TAB2: variants seen among roughly 807,000 people sequenced by gnomAD.
TAB2 encodes TGF-beta activated kinase 1 (MAP3K7) binding protein 2.
Under a neutral mutation model 65.0 loss-of-function variants are expected in TAB2, and 3 were observed. The observed-to-expected ratio is 0.05, with a 90% CI of 0.02 to 0.12. The LOEUF (loss-of-function observed/expected upper bound fraction) is 0.12, where lower values mean the gene tolerates loss of function less well. Among genes scored for constraint, TAB2 ranks in the 10% least tolerant of loss-of-function variants. TAB2 has a pLI of 1.00. For missense variants in TAB2, 623 were observed against 840.3 expected (o/e 0.74, Z 3.20); for synonymous variants, 298 against 285.1 (o/e 1.05, Z -0.46).
intron 1 of TAB2, among the ~76,000 whole-genome samples, chr6:149,296,019 C>G (rs138260570): frequency 6.6e-6 from 1 of 152,208 alleles, no homozygotes; most frequent in African/African-American, 2.4e-5. Flanking sequence ...ATCTGCCCAC[C>G]TCGGCCTCCC....
intron 1 of TAB2, among the ~76,000 whole-genome samples, chr6:149,250,004 G>T (rs935408195): frequency 1.8e-4 from 27 of 152,172 alleles, no homozygotes; most frequent in Admixed American, 1.2e-3. Context: ...TGAAGGATGT[G>T]TAGGAGTTTC....
rs77002157 is a variant in TAB2 at position 149,364,633 on chromosome 6, A to G, written c.-89-5276A>G. On this transcript the variant is annotated intron_variant, in intron 1 of 6. Coordinates refer to ENST00000637181, the MANE Select transcript of TAB2 (RefSeq NM_001292034.3). ...ATCTCCAGCATGGTATCTCCTGCATACTAGGCACTCATTCAATGTGTGGTT... is the reference window on the plus strand; with the variant it reads ...ATCTCCAGCATGGTATCTCCTGCATGCTAGGCACTCATTCAATGTGTGGTT... 7.9e-4 allele frequency among the ~76,000 whole-genome samples: 119 copies of G among 151,302 alleles called. 3 individuals carry two copies. The East Asian group carries it at 0.021, about 27-fold the overall frequency.
In TAB2 at chr6:149,287,066, G is replaced by A. The variant is rs752612860; in HGVS notation, c.-121+68290G>A. Among the ~76,000 whole-genome samples the A allele has an allele frequency of 5.3e-5, 8 of 152,250 alleles. 1 individual carries two copies. The South Asian group carries it at 6.2e-4, about 12-fold the overall frequency. Reference sequence around the variant, plus strand: ...CCGGAGGAAGAGTTTGCAGTGAGCCGAGACGGAGCCACTGCACTCCAGCCT... The same window carrying A: ...CCGGAGGAAGAGTTTGCAGTGAGCCAAGACGGAGCCACTGCACTCCAGCCT... On this transcript the variant is annotated intron_variant, in intron 1 of 1. Coordinates refer to the TAB2 transcript ENST00000606202.
At chr6:149,337,640 CAG>C (rs1411475052) in intron 1 of TAB2, among the ~76,000 whole-genome samples, 6 of 152,196 alleles carry the variant, frequency 3.9e-5, no homozygotes, top group Non-Finnish European at 5.9e-5. Flanking sequence ...AAAAAAATAA[CAG>C]AAACTCATCT....
In TAB2 at chr6:149,410,988, A is replaced by T. The variant is rs1362167095; in HGVS notation, c.*1269A>T. 1 of 152,586 alleles carries T rather than the reference A, an allele frequency of 6.6e-6. No individual in the cohort carries two copies. Among genetic ancestry groups the T allele is most frequent in the Non-Finnish European group, 1.5e-5 (1 of 68,028 alleles). 9.5% of individuals were successfully genotyped at this position (152,586 alleles called of 1,614,324 possible). A position where few individuals can be genotyped will look rare whatever the true frequency, so the allele number is the denominator to read the frequency against. On this transcript the variant is annotated 3_prime_UTR_variant, in exon 7 of 7. Transcript: ENST00000637181. ...GTGTATTTATAAAACAAGGCTAGCC[A>T]TATTTAGGACAACTGAAGAAAAGCT...
At chr6:149,236,220 C>T (rs554981925) in intron 1 of TAB2, among the ~76,000 whole-genome samples, 1 of 152,046 alleles carries the variant, frequency 6.6e-6, no homozygotes, top group East Asian at 1.9e-4. Context: ...GCACTTGTGC[C>T]CCCTAAATAT....
intron 1 of TAB2, among the ~76,000 whole-genome samples, chr6:149,252,351 G>A (rs1020194445): frequency 3.4e-5 from 5 of 147,118 alleles, no homozygotes; most frequent in Non-Finnish European, 7.4e-5. Flanking sequence ...CATGAGCTGA[G>A]ATCACGCCAT....
rs141630345 is a variant in TAB2 at position 149,219,687 on chromosome 6, G to A, written c.-121+911G>A. ...CTCTGATTCACCCGCTGCACCTTAT[G>A]CATTGATGTGGTATCCTAGAAACAG... On this transcript the variant is annotated intron_variant, in intron 1 of 1. Coordinates refer to the TAB2 transcript ENST00000606202. Among the ~76,000 whole-genome samples the A allele has an allele frequency of 2.4e-3, 371 of 152,248 alleles. 4 individuals are homozygous for A. The highest frequency in any genetic ancestry group is 8.4e-3 in the African/African-American group (347 of 41,542).
intron 1 of TAB2, among the ~76,000 whole-genome samples, chr6:149,300,010 G>GA (rs916686331): frequency 4.4e-4 from 67 of 152,140 alleles, no homozygotes; most frequent in African/African-American, 1.4e-3. Flanking sequence ...CTCTAAAAAA[G>GA]AAATTTTTTT....
chr6:149,334,108 A>C (rs931947831), intron 1 of TAB2, among the ~76,000 whole-genome samples: 4 of 152,176 alleles, frequency 2.6e-5, no homozygotes, highest in Non-Finnish European at 5.9e-5. Context: ...TAAACTTTAA[A>C]CTTTATAATC....
At chr6:149,256,662 T>C (rs1379503689) in intron 1 of TAB2, among the ~76,000 whole-genome samples, 1 of 152,190 alleles carries the variant, frequency 6.6e-6, no homozygotes, top group Non-Finnish European at 1.5e-5. Context: ...GATAAAATTT[T>C]CCACACATGG....
At chr6:149,275,203 A>C in intron 1 of TAB2, among the ~76,000 whole-genome samples, 1 of 124,742 alleles carries the variant, frequency 8.0e-6, no homozygotes, top group Admixed American at 8.5e-5. Flanking sequence ...TGAGCCTTGA[A>C]CTCCCTTGGG....
In TAB2 at chr6:149,378,662, G is replaced by A. The variant is rs1781493533; in HGVS notation, c.747G>A (p.Gln249=). 1.2e-6 allele frequency: 2 copies of A among 1,613,512 alleles called. No homozygotes were observed. The highest frequency in any genetic ancestry group is 8.5e-7 in the Non-Finnish European group (1 of 1,180,014). ...CCATGAACCCTCAGCAAGTTTATCAGCCTTCACAGCCTGGTCCCTGGACTA... is the reference window on the plus strand; with the variant it reads ...CCATGAACCCTCAGCAAGTTTATCAACCTTCACAGCCTGGTCCCTGGACTA... ...FNPMNPQQVY[Q]PSQPGPWTTC... is the part of the protein sequence containing the mutation. The change falls in exon 3 of 7, where the codon CAG becomes CAA. Residue 249 remains glutamine, a synonymous_variant. Coordinates refer to ENST00000637181, the MANE Select transcript of TAB2 (RefSeq NM_001292034.3).
At chr6:149,364,959 C>T (rs1780992413) in intron 1 of TAB2, among the ~76,000 whole-genome samples, 1 of 151,866 alleles carries the variant, frequency 6.6e-6, no homozygotes, top group Non-Finnish European at 1.5e-5. Flanking sequence ...AAATTGTTTA[C>T]ATAATCTTTA....
chr6:149,225,970 C>T (rs1777265281), intron 1 of TAB2, among the ~76,000 whole-genome samples: 1 of 151,820 alleles, frequency 6.6e-6, no homozygotes. Context: ...CCAGGAGGGT[C>T]GCTGAAGTGA....
At chr6:149,375,497 ATTT>A (rs1286833252) in intron 2 of TAB2, among the ~76,000 whole-genome samples, 2 of 152,126 alleles carry the variant, frequency 1.3e-5, no homozygotes, top group African/African-American at 4.8e-5. Context: ...GATTAAAGGA[ATTT>A]TTGAGCGCTC....
intron 1 of TAB2, among the ~76,000 whole-genome samples, chr6:149,234,860 G>A (rs917366363): frequency 9.4e-6 from 1 of 106,370 alleles, no homozygotes; most frequent in South Asian, 3.0e-4. Flanking sequence ...AGATTAGAGA[G>A]TGTGAAAAAA....
At chr6:149,340,382 A>G (rs921772269) in intron 1 of TAB2, among the ~76,000 whole-genome samples, 3 of 152,212 alleles carry the variant, frequency 2.0e-5, no homozygotes, top group Admixed American at 6.5e-5. Context: ...ACAATAAAGA[A>G]GGAACCTTGG....
chr6:149,400,662 A>G (rs781040928), intron 6 of TAB2: 3 of 1,614,104 alleles, frequency 1.9e-6, no homozygotes, highest in Non-Finnish European at 2.5e-6. Context: ...TCAACAGCCT[A>G]CGGGAGGTGT....
Sources: allele counts gnomAD v4.1 joint callset (sites outside exome capture counted in the v4.1 genomes callset), GRCh38; gene constraint gnomAD v4.1.1; transcripts MANE v1.5; gene names NCBI Gene and HGNC (gene_info 2026-07-23, HGNC 2026-07-21).